INPP4B: variants seen among roughly 807,000 people sequenced by gnomAD.
The protein encoded by INPP4B is inositol polyphosphate 4-phosphatase type II.
A neutral mutation model predicts 122.5 loss-of-function variants in INPP4B; 55 were observed. The ratio of observed to expected loss-of-function variants is 0.45; its 90% CI spans 0.36 to 0.56. INPP4B has a LOEUF of 0.56. Among genes scored for constraint, INPP4B ranks in the 20% least tolerant of loss-of-function variants. The pLI is 0.00. For missense variants in INPP4B, 1,000 were observed against 1,097.7 expected (o/e 0.91, Z 1.26); for synonymous variants, 403 against 388.7 (o/e 1.04, Z -0.43).
chr4:142,497,984 G>A (rs2149807321), intron 2 of INPP4B, among the ~76,000 whole-genome samples: 1 of 152,114 alleles, frequency 6.6e-6, no homozygotes, highest in South Asian at 2.1e-4. Context: ...TGAATGAAAA[G>A]AAAAAACTGC....
At chr4:142,534,912 G>C (rs536368979) in intron 2 of INPP4B, among the ~76,000 whole-genome samples, 21 of 151,958 alleles carry the variant, frequency 1.4e-4, no homozygotes, top group African/African-American at 5.1e-4. Flanking sequence ...CTTTATTACA[G>C]GTATAGCACA....
At chr4:142,383,951 C>G in intron 7 of INPP4B, 1 of 615,060 alleles carries the variant, frequency 1.6e-6, no homozygotes, top group Non-Finnish European at 2.9e-6. Context: ...TGTTGTGTCT[C>G]ATTAAGTTAC....
At chr4:142,543,615 G>A (rs1407661593) in intron 2 of INPP4B, among the ~76,000 whole-genome samples, 1 of 151,928 alleles carries the variant, frequency 6.6e-6, no homozygotes, top group African/African-American at 2.4e-5. Flanking sequence ...TCCTTCTAAT[G>A]ACGTTCAGTA....
intron 7 of INPP4B, among the ~76,000 whole-genome samples, chr4:142,338,313 G>A (rs1337774887): frequency 6.6e-6 from 1 of 152,158 alleles, no homozygotes; most frequent in Admixed American, 6.5e-5. Context: ...TAGGCTCACT[G>A]CAAGCTCCGC....
At chr4:142,069,432 C>G (rs889036271) in intron 25 of INPP4B, among the ~76,000 whole-genome samples, 1 of 152,034 alleles carries the variant, frequency 6.6e-6, no homozygotes, top group Admixed American at 6.5e-5. Context: ...ACTTGAGAAG[C>G]AAGAGCAAAC....
intron 15 of INPP4B, among the ~76,000 whole-genome samples, chr4:142,180,104 G>T (rs1830133241): frequency 6.6e-6 from 1 of 152,132 alleles, no homozygotes; most frequent in South Asian, 2.1e-4. Flanking sequence ...CTGCAAACAG[G>T]CATGAGAGAC....
chr4:142,452,471 C>A (rs987963127), intron 3 of INPP4B, among the ~76,000 whole-genome samples: 2 of 152,292 alleles, frequency 1.3e-5, no homozygotes, highest in African/African-American at 4.8e-5. Flanking sequence ...GAATCTCCAT[C>A]TGTTCTTTGA....
intron 7 of INPP4B, among the ~76,000 whole-genome samples, chr4:142,389,310 G>T (rs1043223350): frequency 4.0e-5 from 6 of 151,388 alleles, no homozygotes; most frequent in African/African-American, 1.5e-4. Context: ...ACAACTACTG[G>T]ATCTTCTTCT....
chr4:142,407,922 A>AAT (rs769269314), intron 5 of INPP4B, among the ~76,000 whole-genome samples: 6 of 152,162 alleles, frequency 3.9e-5, no homozygotes, highest in African/African-American at 1.4e-4. Flanking sequence ...ATATCATACT[A>AAT]ATATATATTA....
At chr4:142,437,405 A>G (rs904505484) in intron 3 of INPP4B, among the ~76,000 whole-genome samples, 1 of 152,142 alleles carries the variant, frequency 6.6e-6, no homozygotes, top group African/African-American at 2.4e-5. Context: ...AGAAATACAA[A>G]GAACCGCACT....
intron 7 of INPP4B, among the ~76,000 whole-genome samples, chr4:142,363,129 CAG>C (rs1204759167): frequency 6.6e-6 from 1 of 151,968 alleles, no homozygotes; most frequent in Non-Finnish European, 1.5e-5. Flanking sequence ...AGGGAAGGTA[CAG>C]AGTTAGAGCT....
intron 2 of INPP4B, among the ~76,000 whole-genome samples, chr4:142,646,611 TA>T (rs201627506): frequency 0.012 from 1,753 of 152,260 alleles, 31 homozygotes; most frequent in African/African-American, 0.032. Context: ...ATCCATTTAT[TA>T]AAAAAATAAT....
rs531459226 is a variant in INPP4B at position 142,066,812 on chromosome 4, C to G, written c.2642+15219G>C. 5.3e-4 allele frequency among the ~76,000 whole-genome samples: 81 copies of G among 152,314 alleles called. 1 individual carries two copies. The highest frequency in any genetic ancestry group is 1.9e-3 in the African/African-American group (78 of 41,580). ...CATTGCCGAGGCTTCAGTAGGTAAA[C>G]AAAGCAGCCAGGAAGCTCGAACTGG... On this transcript the variant is annotated intron_variant, in intron 25 of 25. Coordinates refer to ENST00000262992, the MANE Select transcript of INPP4B (RefSeq NM_001101669.3).
At chr4:142,571,286 C>A (rs765104989) in intron 2 of INPP4B, among the ~76,000 whole-genome samples, 1 of 151,810 alleles carries the variant, frequency 6.6e-6, no homozygotes, top group Non-Finnish European at 1.5e-5. Context: ...TTATCCTGAG[C>A]AATTTAAAAA....
chr4:142,702,283 T>C (rs376164462), intron 2 of INPP4B, among the ~76,000 whole-genome samples: 34 of 152,340 alleles, frequency 2.2e-4, no homozygotes, highest in African/African-American at 7.7e-4. Flanking sequence ...TGATTTCTTG[T>C]GTGTGGTTCA....
chr4:142,540,783 T>C (rs1307763765), intron 2 of INPP4B, among the ~76,000 whole-genome samples: 2 of 152,046 alleles, frequency 1.3e-5, no homozygotes, highest in East Asian at 3.8e-4. Flanking sequence ...ATATTCTACA[T>C]GCACACACAC....
intron 2 of INPP4B, among the ~76,000 whole-genome samples, chr4:142,498,931 G>A (rs944695386): frequency 6.6e-6 from 1 of 152,168 alleles, no homozygotes; most frequent in African/African-American, 2.4e-5. Context: ...TTTGAATACT[G>A]GAAGACACAA....
At chr4:142,570,626 ATATT>A (rs1732595129) in intron 2 of INPP4B, among the ~76,000 whole-genome samples, 1 of 152,098 alleles carries the variant, frequency 6.6e-6, no homozygotes, top group Non-Finnish European at 1.5e-5. Flanking sequence ...CATTTAAAGT[ATATT>A]TAAAGAAGAA....
chr4:142,672,185 C>T (rs1011209707), intron 2 of INPP4B, among the ~76,000 whole-genome samples: 4 of 152,162 alleles, frequency 2.6e-5, no homozygotes, highest in African/African-American at 9.7e-5. Context: ...AATAAAGATG[C>T]TGTAAATATT....
Sources: allele counts gnomAD v4.1 joint callset (sites outside exome capture counted in the v4.1 genomes callset), GRCh38; gene constraint gnomAD v4.1.1; transcripts MANE v1.5; gene names NCBI Gene and HGNC (gene_info 2026-07-23, HGNC 2026-07-21).